The following ULK4 variants were observed in gnomAD, a reference collection of about 807,000 sequenced individuals.
ULK4 encodes the protein unc-51 like kinase 4.
A neutral mutation model predicts 160.6 loss-of-function variants in ULK4; 133 were observed. That is an observed-to-expected ratio of 0.83 (90% confidence interval 0.72 to 0.96). ULK4 has a LOEUF of 0.96. ULK4 is among the 40% of genes least tolerant of loss of function. The pLI, the probability that ULK4 is intolerant of heterozygous loss-of-function variation, is 0.00. For missense variants in ULK4, 1,580 were observed against 1,499.5 expected (o/e 1.05, Z -0.89); for synonymous variants, 534 against 539.8 (o/e 0.99, Z 0.15).
At chr3:41,608,002 A>G (rs947303324) in intron 31 of ULK4, among the ~76,000 whole-genome samples, 1 of 152,220 alleles carries the variant, frequency 6.6e-6, no homozygotes, top group African/African-American at 2.4e-5. Flanking sequence ...ATGCTATGTT[A>G]GACATTTCTG....
chr3:41,297,818 G>C (rs1026154556), intron 35 of ULK4, among the ~76,000 whole-genome samples: 1 of 152,214 alleles, frequency 6.6e-6, no homozygotes, highest in Non-Finnish European at 1.5e-5. Context: ...TGGTAACACT[G>C]TCAGAAGTTT....
In ULK4 at chr3:41,775,761, G is replaced by A. The variant is rs567603957; in HGVS notation, c.2193+13900C>T. Among the ~76,000 whole-genome samples the A allele has an allele frequency of 6.4e-4, 97 of 150,652 alleles. 8 individuals are homozygous for A. The highest frequency in any genetic ancestry group is 2.3e-3 in the African/African-American group (91 of 40,140). On this transcript the variant is annotated intron_variant, in intron 21 of 36. Transcript: ENST00000301831. The stretch of plus-strand genomic sequence containing the variant: ...ATATGGAAATGAACTACTCACATAC[G>A]TTATTATATCGCCCATATCCTTCTG...
At chr3:41,395,327 G>A (rs941423602) in intron 35 of ULK4, among the ~76,000 whole-genome samples, 9 of 151,956 alleles carry the variant, frequency 5.9e-5, no homozygotes, top group Middle Eastern at 3.2e-3. Context: ...AATAATAACA[G>A]AGATAAGTTT....
intron 35 of ULK4, among the ~76,000 whole-genome samples, chr3:41,274,327 C>A (rs2079193392): frequency 6.6e-6 from 1 of 152,104 alleles, no homozygotes; most frequent in African/African-American, 2.4e-5. Context: ...CCAGGTTTCA[C>A]TTTTGTGCAT....
intron 27 of ULK4, among the ~76,000 whole-genome samples, chr3:41,697,549 A>C (rs1461693294): frequency 1.3e-5 from 2 of 152,254 alleles, no homozygotes; most frequent in Non-Finnish European, 2.9e-5. Context: ...AGAAATTTAT[A>C]AAGTAAAAAT....
intron 30 of ULK4, among the ~76,000 whole-genome samples, chr3:41,622,665 G>A (rs908179876): frequency 1.3e-5 from 2 of 152,108 alleles, no homozygotes; most frequent in African/African-American, 4.8e-5. Context: ...GCTTAAAACC[G>A]AGATGATGGG....
intron 21 of ULK4, among the ~76,000 whole-genome samples, chr3:41,769,579 G>A (rs1451423192): frequency 1.3e-5 from 2 of 152,184 alleles, no homozygotes; most frequent in African/African-American, 4.8e-5. Flanking sequence ...ACAAGGTTAT[G>A]TCCAGCATTC....
intron 18 of ULK4, among the ~76,000 whole-genome samples, chr3:41,827,701 G>T (rs528491247): frequency 6.6e-6 from 1 of 152,288 alleles, no homozygotes; most frequent in Non-Finnish European, 1.5e-5. Context: ...TGGATTCACA[G>T]CCAAAATCTA....
At chr3:41,634,099 G>C (rs549790637) in intron 30 of ULK4, among the ~76,000 whole-genome samples, 1 of 152,318 alleles carries the variant, frequency 6.6e-6, no homozygotes, top group African/African-American at 2.4e-5. Context: ...AAGGGAGCTG[G>C]GATGTGGCTG....
chr3:41,667,233 C>T (rs1025024555), intron 29 of ULK4, among the ~76,000 whole-genome samples: 3 of 151,696 alleles, frequency 2.0e-5, no homozygotes, highest in South Asian at 2.1e-4. Flanking sequence ...GTCTTGAGGT[C>T]GTTTGAAGTT....
intron 32 of ULK4, among the ~76,000 whole-genome samples, chr3:41,533,364 T>A (rs1449109602): frequency 6.6e-6 from 1 of 152,256 alleles, no homozygotes; most frequent in Non-Finnish European, 1.5e-5. Context: ...CCTTCATACA[T>A]CTCCATACTA....
At chr3:41,378,304 G>C (rs1192798833) in intron 35 of ULK4, among the ~76,000 whole-genome samples, 1 of 150,538 alleles carries the variant, frequency 6.6e-6, no homozygotes, top group Non-Finnish European at 1.5e-5. Context: ...CAGCACACCA[G>C]CATGGCACAT....
Position 41,898,695 on chromosome 3 carries a change from A to C in ULK4, c.1288-203T>G, listed in dbSNP as rs138754572. On this transcript the variant is annotated intron_variant, in intron 13 of 36. Coordinates refer to ENST00000301831, the MANE Select transcript of ULK4 (RefSeq NM_017886.4). ...ATATTTTTTATAATCATTTCAATTG[A>C]TATCTGTAATAAAATAAAGCTTCAT... is the stretch of plus-strand genomic sequence containing the variant. Among the ~76,000 whole-genome samples the C allele has an allele frequency of 8.6e-3, 1,308 of 152,360 alleles. 71 individuals carry two copies. Among genetic ancestry groups the C allele is most frequent in the Admixed American group, 0.077 (1,182 of 15,308 alleles).
At chr3:41,441,381 C>A (rs906885635) in intron 34 of ULK4, among the ~76,000 whole-genome samples, 2 of 151,916 alleles carry the variant, frequency 1.3e-5, no homozygotes, top group Non-Finnish European at 2.9e-5. Flanking sequence ...ATATTCTTTT[C>A]GATTTTTAAT....
At chr3:41,757,018 C>A (rs924413529) in intron 21 of ULK4, among the ~76,000 whole-genome samples, 4 of 151,126 alleles carry the variant, frequency 2.6e-5, no homozygotes, top group African/African-American at 7.4e-5. Flanking sequence ...ATGTTAAATG[C>A]CACATAGAAA....
chr3:41,777,879 C>T lies in ULK4; in HGVS notation c.2193+11782G>A, dbSNP rs1260271405. Among the ~76,000 whole-genome samples the T allele has an allele frequency of 1.4e-5, 2 of 143,568 alleles. 1 individual carries two copies. The highest frequency in any genetic ancestry group is 5.3e-5 in the African/African-American group (2 of 37,902). 94.2% of individuals were successfully genotyped at this position (143,568 alleles called of 152,430 possible). A position where few individuals can be genotyped will look rare whatever the true frequency, so the allele number is the denominator to read the frequency against. On this transcript the variant is annotated intron_variant, in intron 21 of 36. Coordinates refer to ENST00000301831, the MANE Select transcript of ULK4 (RefSeq NM_017886.4). ...ATTTAAACCCACAGCCAATATCATA[C>T]TGAATGGGCAAAAACTGGAAGCATT...
At chr3:41,830,766 GAAT>G (rs2041553261) in intron 18 of ULK4, among the ~76,000 whole-genome samples, 1 of 151,468 alleles carries the variant, frequency 6.6e-6, no homozygotes, top group African/African-American at 2.4e-5. Flanking sequence ...AAATAATAAA[GAAT>G]AATTAAGCCA....
chr3:41,545,700 T>C (rs886337571), intron 32 of ULK4, among the ~76,000 whole-genome samples: 5 of 151,872 alleles, frequency 3.3e-5, no homozygotes, highest in Non-Finnish European at 5.9e-5. Flanking sequence ...TGGCCATTAC[T>C]TCTTTAAATT....
At chr3:41,356,172 TG>T (rs1309087379) in intron 35 of ULK4, among the ~76,000 whole-genome samples, 1 of 152,192 alleles carries the variant, frequency 6.6e-6, no homozygotes, top group African/African-American at 2.4e-5. Context: ...CCTGCCAAAC[TG>T]CTCTTTGGCT....
Sources: allele counts gnomAD v4.1 joint callset (sites outside exome capture counted in the v4.1 genomes callset), GRCh38; gene constraint gnomAD v4.1.1; transcripts MANE v1.5; gene names NCBI Gene and HGNC (gene_info 2026-07-23, HGNC 2026-07-21).